SLC22A2: variants seen among roughly 807,000 people sequenced by gnomAD.
The protein encoded by SLC22A2 is organic cation transporter 2.
Under a neutral mutation model 60.5 loss-of-function variants are expected in SLC22A2, and 46 were observed. The observed-to-expected ratio is 0.76, with a 90% CI of 0.60 to 0.97. The LOEUF (loss-of-function observed/expected upper bound fraction) is 0.97, where lower values mean the gene tolerates loss of function less well. Ranked by LOEUF, SLC22A2 falls within the 50% of genes least tolerant of loss-of-function variation. The probability of loss-of-function intolerance (pLI) is 0.00; values close to 1 mark genes in which losing one functional copy is unlikely to be tolerated. For synonymous variants in SLC22A2, 303 were observed against 267.0 expected, an observed-to-expected ratio of 1.13 and a Z score of -1.31; for missense variants, 701 against 706.6, an observed-to-expected ratio of 0.99 and a Z score of 0.09.
chr6:160,224,831 A>G, intron 9 of SLC22A2, 27 bp from the exon 10 acceptor site: 1 of 1,342,916 alleles, frequency 7.4e-7, no homozygotes, highest in Non-Finnish European at 1.0e-6. Context: ...TGAATATCAC[A>G]TTAAGAACTG....
intron 9 of SLC22A2, among the ~76,000 whole-genome samples, chr6:160,230,823 T>TA (rs112350271): frequency 0.73 from 110,250 of 151,722 alleles, 41,311 homozygotes; most frequent in Admixed American, 0.83. Flanking sequence ...GGCTTCCTCC[T>TA]AGCCATGTCC....
chr6:160,251,358 G>A (rs1583400956), intron 2 of SLC22A2, among the ~76,000 whole-genome samples: 3 of 152,158 alleles, frequency 2.0e-5, no homozygotes, highest in African/African-American at 7.2e-5. Context: ...TGGCAACCTG[G>A]GTTTCATCAT....
At chr6:160,231,388 C>T (rs1311237413) in intron 9 of SLC22A2, among the ~76,000 whole-genome samples, 2 of 151,756 alleles carry the variant, frequency 1.3e-5, no homozygotes. Context: ...CCTTAACCCA[C>T]AAATATGGAA....
In SLC22A2 at chr6:160,217,166, G is replaced by T; in HGVS notation, c.*266C>A. On this transcript the variant is annotated 3_prime_UTR_variant, in exon 11 of 11. Transcript: ENST00000366953. ...AGAATCAAATTTAAAAAAATACAAA[G>T]ATGGAAAAAAAACCCTCCAGAAAAC... The T allele has an allele frequency of 3.0e-6, 1 of 335,890 alleles. No homozygotes were observed. 20.8% of individuals were successfully genotyped at this position (335,890 alleles called of 1,614,324 possible). A position where few individuals can be genotyped will look rare whatever the true frequency, so the allele number is the denominator to read the frequency against.
chr6:160,245,777 C>T (rs1006488873), intron 5 of SLC22A2, among the ~76,000 whole-genome samples: 1 of 145,076 alleles, frequency 6.9e-6, no homozygotes, highest in African/African-American at 2.6e-5. Context: ...CGGCTCACTG[C>T]AACCTCCACC....
Position 160,236,312 on chromosome 6 carries a change from G to A in SLC22A2, c.1501+5162C>T, listed in dbSNP as rs143153237. On this transcript the variant is annotated intron_variant, in intron 9 of 10. Transcript: ENST00000366953. ...AACTGCATGGACTGAATAAAAGACCGAAGTATTCTTTTTTAATTTTTTGCT... is the reference window on the plus strand; with the variant it reads ...AACTGCATGGACTGAATAAAAGACCAAAGTATTCTTTTTTAATTTTTTGCT... Among the ~76,000 whole-genome samples the A allele has an allele frequency of 1.1e-4, 17 of 152,266 alleles. No homozygotes were observed. The East Asian group carries it at 1.2e-3, about 10-fold the overall frequency.
At chr6:160,241,305 T>C (rs1265538603) in intron 9 of SLC22A2, among the ~76,000 whole-genome samples, 169 bp downstream of exon 9, 1 of 152,144 alleles carries the variant, frequency 6.6e-6, no homozygotes, top group Non-Finnish European at 1.5e-5. Flanking sequence ...TATTACTAAT[T>C]ACTAGGCACA....
intron 9 of SLC22A2, among the ~76,000 whole-genome samples, chr6:160,233,496 G>A (rs1314553123): frequency 6.6e-6 from 1 of 151,772 alleles, no homozygotes; most frequent in Non-Finnish European, 1.5e-5. Context: ...TTAAAAAAAG[G>A]ACTCTGTCAA....
At chr6:160,245,886 G>A (rs1190110347) in intron 5 of SLC22A2, among the ~76,000 whole-genome samples, 4 of 123,038 alleles carry the variant, frequency 3.3e-5, no homozygotes, top group East Asian at 2.2e-4. Context: ...TTTTTTCCCC[G>A]AGACAGGGTC....
At chr6:160,232,067 A>G (rs1344109227) in intron 9 of SLC22A2, among the ~76,000 whole-genome samples, 1 of 151,780 alleles carries the variant, frequency 6.6e-6, no homozygotes, top group African/African-American at 2.4e-5. Context: ...CAGTTCTCAT[A>G]ATTTCCAAAA....
rs370802129 is a variant in SLC22A2, at chr6:160,258,486, C to T, written c.272G>A (p.Arg91His). The change falls in exon 1 of 11, where the codon CGC (arginine) becomes CAC (histidine). Residue 91 changes from arginine to histidine, a missense_variant. Arg to His is a conservative substitution (Grantham distance 29, BLOSUM62 0). Transcript: ENST00000366953. ...GCTCTGGTTCCAGTCCACCTCGTAG[C>T]GCCTACACTGTCTTGGGGAGGCTTC... is the stretch of plus-strand genomic sequence containing the variant. Reference protein sequence around the residue: ...AGEASPRQCRRYEVDWNQSTF... With the variant: ...AGEASPRQCRHYEVDWNQSTF... 52 of 1,614,040 alleles carry T rather than the reference C, an allele frequency of 3.2e-5. No homozygotes were observed. In the Middle Eastern group the frequency reaches 4.9e-4, roughly 15 times the overall value.
intron 2 of SLC22A2, among the ~76,000 whole-genome samples, chr6:160,253,384 C>T (rs917959868): frequency 6.6e-6 from 1 of 152,086 alleles, no homozygotes; most frequent in African/African-American, 2.4e-5. Context: ...GAGTCATTGC[C>T]ATTAAAAGGG....
rs771411024 is a variant in SLC22A2, at chr6:160,258,360, G to A, written c.398C>T (p.Ser133Leu). ...RDGWVYETPGSSIVTEFNLVC... is the reference protein window; with the variant it reads ...RDGWVYETPGLSIVTEFNLVC... The stretch of plus-strand genomic sequence containing the variant: ...CTCTCTTACCTCGGTGACGATGGAC[G>A]AGCCAGGCGTCTCGTACACCCAGCC... Residue 133 changes from serine (S) to leucine (L), a missense_variant, in exon 1 of 11, where the codon TCG (serine) becomes TTG (leucine). Ser to Leu is a moderately radical substitution (Grantham distance 145). Transcript: ENST00000366953. The A allele has an allele frequency of 4.3e-6, 7 of 1,610,114 alleles. No individual in the cohort carries two copies. The highest frequency in any genetic ancestry group is 2.2e-5 in the East Asian group (1 of 44,826).
chr6:160,254,844 T>A (rs1783242649), intron 2 of SLC22A2, among the ~76,000 whole-genome samples: 1 of 152,206 alleles, frequency 6.6e-6, no homozygotes, highest in Non-Finnish European at 1.5e-5. Flanking sequence ...AACACAGGAA[T>A]GCACTGTCAG....
rs542679779 is a variant in SLC22A2, at chr6:160,217,690, A to G, written c.1602-192T>C. 1.2e-4 allele frequency among the ~76,000 whole-genome samples: 18 copies of G among 152,322 alleles called. No homozygotes were observed. The East Asian group carries it at 3.5e-3, about 29-fold the overall frequency. ...GAACTTGTTGATAACTCATGTCGAC[A>G]GAGTTATTCCTAAAATTATCTTGTT... On this transcript the variant is annotated intron_variant, in intron 10 of 10. Coordinates refer to ENST00000366953, the MANE Select transcript of SLC22A2 (RefSeq NM_003058.4).
chr6:160,217,262 G>T lies in SLC22A2; in HGVS notation c.*170C>A. The T allele has an allele frequency of 2.4e-6, 1 of 413,550 alleles. No homozygotes were observed. Among genetic ancestry groups the T allele is most frequent in the Non-Finnish European group, 4.3e-6 (1 of 233,230 alleles). 25.6% of individuals were successfully genotyped at this position (413,550 alleles called of 1,614,324 possible). A position where few individuals can be genotyped will look rare whatever the true frequency, so the allele number is the denominator to read the frequency against. Reference sequence around the variant, plus strand: ...GAATTTGGCAGGATCTGGTCCCATGGGTATTTTTCCACAGTGTACAATAGA... The same window carrying T: ...GAATTTGGCAGGATCTGGTCCCATGTGTATTTTTCCACAGTGTACAATAGA... On this transcript the variant is annotated 3_prime_UTR_variant, in exon 11 of 11. Transcript: ENST00000366953.
Position 160,245,551 on chromosome 6 carries a change from A to G in SLC22A2, c.958-6T>C. ...TCCTCTTCAAGTCTCAGGCGCTAAG[A>G]AAAGGAATAGAAAGGACGGCTTTGT... On this transcript the variant is annotated splice_region_variant and splice_polypyrimidine_tract_variant and intron_variant, in intron 5 of 10. Coordinates refer to ENST00000366953, the MANE Select transcript of SLC22A2 (RefSeq NM_003058.4). The G allele has an allele frequency of 6.3e-7, 1 of 1,586,612 alleles. No homozygotes were observed. The highest frequency in any genetic ancestry group is 8.6e-7 in the Non-Finnish European group (1 of 1,157,324).
chr6:160,243,841 A>T, intron 6 of SLC22A2, 55 bp from the exon 7 acceptor site: 1 of 1,249,332 alleles, frequency 8.0e-7, no homozygotes, highest in South Asian at 1.2e-5. Context: ...GGGCACCAAA[A>T]AAGAGAGGCT....
chr6:160,231,987 T>A (rs1007490315), intron 9 of SLC22A2, among the ~76,000 whole-genome samples: 4 of 152,002 alleles, frequency 2.6e-5, no homozygotes, highest in Non-Finnish European at 5.9e-5. Context: ...TGTCTGTGTG[T>A]GGTGGCTACC....
Sources: gnomAD v4.1 joint callset for allele counts (sites outside exome capture counted in the v4.1 genomes callset) on GRCh38, gnomAD v4.1.1 for gene constraint, MANE v1.5 for transcripts, NCBI Gene and HGNC (gene_info 2026-07-23, HGNC 2026-07-21) for gene names.